EEA1: variants seen among roughly 807,000 people sequenced by gnomAD.
EEA1 encodes early endosome antigen 1.
In EEA1, 111 loss-of-function variants were observed where a neutral mutation model predicts 209.2. That is an observed-to-expected ratio of 0.53 (90% confidence interval 0.45 to 0.62). The LOEUF is 0.62. Ranked by LOEUF, EEA1 falls within the 20% of genes least tolerant of loss-of-function variation. The pLI, the probability that EEA1 is intolerant of heterozygous loss-of-function variation, is 0.00. For missense variants in EEA1, 1,343 were observed against 1,530.8 expected (o/e 0.88, Z 2.05); for synonymous variants, 536 against 540.6 (o/e 0.99, Z 0.12).
intron 1 of EEA1, among the ~76,000 whole-genome samples, chr12:92,893,179 C>T (rs1879732328): frequency 6.6e-6 from 1 of 152,148 alleles, no homozygotes; most frequent in South Asian, 2.1e-4. Context: ...TATCAAATTG[C>T]TTTTTGGATG....
At chr12:92,857,787 T>C (rs935953777) in intron 3 of EEA1, among the ~76,000 whole-genome samples, 1 of 152,218 alleles carries the variant, frequency 6.6e-6, no homozygotes, top group African/African-American at 2.4e-5. Context: ...ACAATAAGCA[T>C]CAATGGCTTC....
intron 1 of EEA1, among the ~76,000 whole-genome samples, chr12:92,920,457 G>A (rs1880942630): frequency 7.0e-6 from 1 of 142,950 alleles, no homozygotes; most frequent in African/African-American, 2.7e-5. Flanking sequence ...ACCTACAACT[G>A]TCTGATCTTT....
At chr12:92,812,505 C>A (rs75495213) in intron 16 of EEA1, among the ~76,000 whole-genome samples, 2,831 of 152,214 alleles carry the variant, frequency 0.019, 96 homozygotes, top group African/African-American at 0.063. Flanking sequence ...TCCTCACTTC[C>A]TCCTATTACC....
chr12:92,881,275 T>C (rs998619514), intron 2 of EEA1, among the ~76,000 whole-genome samples: 5 of 151,530 alleles, frequency 3.3e-5, no homozygotes, highest in Admixed American at 6.6e-5. Flanking sequence ...AGGGCCATGG[T>C]GATGTGTGCC....
At chr12:92,873,236 G>A (rs1009506192) in intron 2 of EEA1, among the ~76,000 whole-genome samples, 1 of 152,170 alleles carries the variant, frequency 6.6e-6, no homozygotes, top group African/African-American at 2.4e-5. Flanking sequence ...TACAGTGCTT[G>A]AGATATTGTA....
chr12:92,804,876 A>G (rs539515565), intron 18 of EEA1, among the ~76,000 whole-genome samples: 13 of 152,166 alleles, frequency 8.5e-5, no homozygotes, highest in African/African-American at 3.1e-4. Flanking sequence ...AGCAGAAGGG[A>G]CCCCAGCCCT....
At chr12:92,800,783 C>T (rs753370811) in intron 20 of EEA1, among the ~76,000 whole-genome samples, 6 of 152,070 alleles carry the variant, frequency 3.9e-5, no homozygotes, top group Non-Finnish European at 7.4e-5. Context: ...TAAAAGATGG[C>T]GAAATGGCAT....
chr12:92,810,795 T>C (rs1269319353), intron 17 of EEA1, among the ~76,000 whole-genome samples: 1 of 152,014 alleles, frequency 6.6e-6, no homozygotes, highest in Non-Finnish European at 1.5e-5. Flanking sequence ...TCATATGGAG[T>C]TGTGTTAAAG....
rs771443173 is a variant in EEA1 at position 92,802,491 on chromosome 12, T to C, written c.2583A>G (p.Lys861=). 3.2e-6 allele frequency: 5 copies of C among 1,583,302 alleles called. No individual in the cohort carries two copies. The East Asian group carries it at 6.8e-5, about 21-fold the overall frequency. The change falls in exon 19 of 29, where the codon AAA becomes AAG. Residue 861 remains lysine, a synonymous_variant. Transcript: ENST00000322349. ...LMTELSTVKD[K]LSKVSDSLKN... ...TCAAAGAATCAGAAACTTTTGATAGTTTGTCCTTTACTGTAGAAAGCTCTG... is the reference window on the plus strand; with the variant it reads ...TCAAAGAATCAGAAACTTTTGATAGCTTGTCCTTTACTGTAGAAAGCTCTG...
chr12:92,865,631 G>C (rs2136724368), intron 2 of EEA1, among the ~76,000 whole-genome samples: 1 of 152,094 alleles, frequency 6.6e-6, no homozygotes, highest in African/African-American at 2.4e-5. Flanking sequence ...TAAAGATGCT[G>C]ATAAAGATCC....
At chr12:92,852,800 G>T in intron 7 of EEA1, 112 bp downstream of exon 7, 1 of 670,234 alleles carries the variant, frequency 1.5e-6, no homozygotes, top group Non-Finnish European at 2.5e-6. Context: ...ACCATTGGAA[G>T]TCTATCACAA....
intron 21 of EEA1, among the ~76,000 whole-genome samples, chr12:92,790,464 G>C (rs1874350782): frequency 6.6e-6 from 1 of 152,006 alleles, no homozygotes; most frequent in Non-Finnish European, 1.5e-5. Flanking sequence ...GAAAACCATG[G>C]CACGAGAACT....
chr12:92,808,191 A>G (rs1428302610), intron 18 of EEA1, among the ~76,000 whole-genome samples: 1 of 152,186 alleles, frequency 6.6e-6, no homozygotes, highest in Admixed American at 6.5e-5. Context: ...ATATAGACAC[A>G]TAGACTGTGG....
chr12:92,852,817 T>C (rs898809320), intron 7 of EEA1, 95 bp downstream of exon 7: 27 of 796,246 alleles, frequency 3.4e-5, no homozygotes, highest in Non-Finnish European at 5.3e-5. Flanking sequence ...ACAAATGCTT[T>C]AACACACTAA....
rs577285706 is a variant in EEA1, at chr12:92,842,363, A to T, written c.915+102T>A. 38 of 587,052 alleles carry T rather than the reference A, an allele frequency of 6.5e-5. No individual in the cohort carries two copies. The African/African-American group carries it at 7.7e-4, about 12-fold the overall frequency. The allele number at this position is 587,052 out of a possible 1,614,324, so 36.4% of individuals were successfully genotyped here. A position where few individuals can be genotyped will look rare whatever the true frequency, so the allele number is the denominator to read the frequency against. ...TATTAAACACTAAAAAAAAAAAATA[A>T]GTCACATTGTACTATGCCAATATAT... On this transcript the variant is annotated intron_variant, in intron 10 of 28. Transcript: ENST00000322349.
intron 9 of EEA1, among the ~76,000 whole-genome samples, chr12:92,843,950 T>G (rs1877287462): frequency 2.0e-5 from 3 of 152,058 alleles, no homozygotes. Context: ...CCTTCCAGAG[T>G]GTGTGGAACT....
intron 1 of EEA1, among the ~76,000 whole-genome samples, chr12:92,898,819 C>T (rs1880027908): frequency 7.9e-6 from 1 of 126,600 alleles, no homozygotes; most frequent in Admixed American, 9.7e-5. Context: ...CTCAAGTGAT[C>T]CTTCTCCCAC....
chr12:92,928,550 A>C (rs1359130583), intron 1 of EEA1, among the ~76,000 whole-genome samples: 1 of 152,204 alleles, frequency 6.6e-6, no homozygotes, highest in African/African-American at 2.4e-5. Flanking sequence ...ACTGTGGTCC[A>C]AAGGAGAAAG....
rs1310493018 is a variant in EEA1, at chr12:92,773,177, G to T, written c.*2834C>A. The T allele has an allele frequency of 6.6e-6, 1 of 151,892 alleles. No individual in the cohort carries two copies. 9.4% of individuals were successfully genotyped at this position (151,892 alleles called of 1,614,324 possible). A position where few individuals can be genotyped will look rare whatever the true frequency, so the allele number is the denominator to read the frequency against. On this transcript the variant is annotated 3_prime_UTR_variant, in exon 29 of 29. Coordinates refer to ENST00000322349, the MANE Select transcript of EEA1 (RefSeq NM_003566.4). Reference sequence around the variant, plus strand: ...TAAAAAAACTCCTATAGTCAAACAGGTCATGAATATCAAAATATATGATCA... The same window carrying T: ...TAAAAAAACTCCTATAGTCAAACAGTTCATGAATATCAAAATATATGATCA...
Sources: allele counts gnomAD v4.1 joint callset (sites outside exome capture counted in the v4.1 genomes callset), GRCh38; gene constraint gnomAD v4.1.1; transcripts MANE v1.5; gene names NCBI Gene and HGNC (gene_info 2026-07-23, HGNC 2026-07-21).